The following MAML2 variants were observed in gnomAD, a reference collection of about 807,000 sequenced individuals.
MAML2 encodes the protein mastermind like transcriptional coactivator 2.
In MAML2, 22 loss-of-function variants were observed where a neutral mutation model predicts 96.1. That is an observed-to-expected ratio of 0.23 (90% confidence interval 0.16 to 0.33). MAML2 has a LOEUF of 0.33. MAML2 is among the 10% of genes least tolerant of loss of function. MAML2 has a pLI of 1.00. For synonymous variants in MAML2, 561 were observed against 521.3 expected (o/e 1.08, Z -1.04); for missense variants, 1,367 against 1,392.4 (o/e 0.98, Z 0.29).
chr11:96,185,031 G>C lies in MAML2; in HGVS notation c.514-91514C>G, dbSNP rs116322028. ...AACTTAAGAGTTCCTTCCTCATACT[G>C]TTTAGATTTTATTCATCCAATTGGC... On this transcript the variant is annotated intron_variant, in intron 1 of 4. Transcript: ENST00000524717. Among the ~76,000 whole-genome samples, 564 of 152,290 alleles carry C rather than the reference G, an allele frequency of 3.7e-3. 9 individuals are homozygous for C. Among genetic ancestry groups the C allele is most frequent in the African/African-American group, 0.013 (552 of 41,546 alleles).
At chr11:96,019,058 T>C (rs1171174134) in intron 2 of MAML2, among the ~76,000 whole-genome samples, 1 of 152,072 alleles carries the variant, frequency 6.6e-6, no homozygotes, top group Non-Finnish European at 1.5e-5. Flanking sequence ...TCAAGGAGTA[T>C]GGCTGTAAAG....
intron 1 of MAML2, among the ~76,000 whole-genome samples, chr11:96,229,737 A>G (rs1862264436): frequency 6.6e-6 from 1 of 152,120 alleles, no homozygotes; most frequent in African/African-American, 2.4e-5. Context: ...TGGCAATACC[A>G]TAAATTTGAA....
rs138499885 is a variant in MAML2 at position 96,075,933 on chromosome 11, C to T, written c.2139+15959G>A. On this transcript the variant is annotated intron_variant, in intron 2 of 4. Coordinates refer to ENST00000524717, the MANE Select transcript of MAML2 (RefSeq NM_032427.4). ...TGAGCCAGTTGGCCTTGCTATGTGA[C>T]ATTCTCATGCTTCCCCAAACGTGAA... Among the ~76,000 whole-genome samples the T allele has an allele frequency of 6.6e-5, 10 of 152,336 alleles. No homozygotes were observed. The East Asian group carries it at 1.7e-3, about 26-fold the overall frequency.
chr11:96,076,834 C>T (rs1054596551), intron 2 of MAML2, among the ~76,000 whole-genome samples: 1 of 152,192 alleles, frequency 6.6e-6, no homozygotes, highest in African/African-American at 2.4e-5. Flanking sequence ...TGAATGTTAG[C>T]AGCACTTTAC....
chr11:96,218,101 G>T (rs1862076621), intron 1 of MAML2, among the ~76,000 whole-genome samples: 1 of 152,194 alleles, frequency 6.6e-6, no homozygotes. Flanking sequence ...AAATACATTT[G>T]CTTTCTGCGT....
In MAML2 at chr11:96,092,048, C is replaced by T. The variant is rs774516708; in HGVS notation, c.1983G>A (p.Gln661=). Residue 661 remains glutamine, a synonymous_variant, in exon 2 of 5, where the codon CAG becomes CAA. Transcript: ENST00000524717. The surrounding 1 kb of genome is among the most constrained non-coding windows in gnomAD (Gnocchi z 4.1). ...GCTGAGAAGATGGTTGTTGCTGCTG[C>T]TGCTGCTGCTGTTGTTGCTGTTGTT... ...QQQQQQQQQQ[Q]QQQQPSSQPA... is the part of the protein sequence containing the mutation. The T allele has an allele frequency of 1.2e-5, 19 of 1,553,428 alleles. No individual in the cohort carries two copies. The highest frequency in any genetic ancestry group is 1.7e-4 in the Middle Eastern group (1 of 5,982).
At chr11:96,213,282 A>G (rs534721324) in intron 1 of MAML2, among the ~76,000 whole-genome samples, 2 of 152,300 alleles carry the variant, frequency 1.3e-5, no homozygotes, top group East Asian at 3.9e-4. Flanking sequence ...GGGAATATGG[A>G]TAGGTATTGC....
At chr11:96,078,693 T>G (rs1160600241) in intron 2 of MAML2, among the ~76,000 whole-genome samples, 4 of 152,222 alleles carry the variant, frequency 2.6e-5, no homozygotes, top group Non-Finnish European at 5.9e-5. Context: ...GAGAGCCATG[T>G]CTAGGTGAGA....
chr11:96,134,975 T>C (rs1234420276), intron 1 of MAML2, among the ~76,000 whole-genome samples: 2 of 152,234 alleles, frequency 1.3e-5, no homozygotes, highest in Non-Finnish European at 2.9e-5. Context: ...TGGACACATA[T>C]TGAGCATTTA....
intron 1 of MAML2, among the ~76,000 whole-genome samples, chr11:96,122,523 TGTGTGTGCAC>T (rs1005609331): frequency 3.5e-5 from 5 of 142,746 alleles, no homozygotes; most frequent in East Asian, 2.0e-4. Context: ...TGTGTGTGTG[TGTGTGTGCAC>T]GTGCACGTGC....
At chr11:96,105,065 C>A (rs572910791) in intron 1 of MAML2, among the ~76,000 whole-genome samples, 1 of 152,292 alleles carries the variant, frequency 6.6e-6, no homozygotes, top group South Asian at 2.1e-4. Context: ...TAATCACACT[C>A]AATAAAGTTT....
At chr11:96,205,639 A>C (rs1861885353) in intron 1 of MAML2, among the ~76,000 whole-genome samples, 1 of 152,244 alleles carries the variant, frequency 6.6e-6, no homozygotes, top group Non-Finnish European at 1.5e-5. Flanking sequence ...CACAGGCTGA[A>C]TTGACTTGGC....
intron 1 of MAML2, among the ~76,000 whole-genome samples, chr11:96,275,232 A>G (rs1481441777): frequency 6.6e-6 from 1 of 150,808 alleles, no homozygotes; most frequent in Non-Finnish European, 1.5e-5. Context: ...AACATATCCT[A>G]ACTTTTGCAT....
At chr11:96,160,484 AT>A (rs1391241947) in intron 1 of MAML2, among the ~76,000 whole-genome samples, 13 of 150,562 alleles carry the variant, frequency 8.6e-5, no homozygotes, top group Non-Finnish European at 1.8e-4. Context: ...CTGGAGTGCA[AT>A]GGCATGATCT....
intron 2 of MAML2, among the ~76,000 whole-genome samples, chr11:96,014,336 A>G (rs926294596): frequency 1.3e-5 from 2 of 152,208 alleles, no homozygotes; most frequent in African/African-American, 4.8e-5. Context: ...GGCTCTCCAC[A>G]GGGATCCTTG....
Position 96,091,875 on chromosome 11 carries a change from A to C in MAML2, c.2139+17T>G. The C allele has an allele frequency of 6.2e-7, 1 of 1,605,472 alleles. No homozygotes were observed. The highest frequency in any genetic ancestry group is 8.5e-7 in the Non-Finnish European group (1 of 1,175,732). On this transcript the variant is annotated intron_variant, in intron 2 of 4. Coordinates refer to ENST00000524717, the MANE Select transcript of MAML2 (RefSeq NM_032427.4). ...TGGTCTCTGGGAACTCTGTATTTGG[A>C]GTAGTAGAGCCCTTACCTGTCTCTG...
chr11:96,341,177 C>T (rs185707614), intron 1 of MAML2, among the ~76,000 whole-genome samples: 26 of 152,168 alleles, frequency 1.7e-4, no homozygotes, highest in Admixed American at 1.2e-3. Context: ...ATCCTATAAG[C>T]GAAGGAAAAC....
intron 1 of MAML2, among the ~76,000 whole-genome samples, chr11:96,322,351 A>G (rs182537411): frequency 1.3e-5 from 2 of 152,198 alleles, no homozygotes; most frequent in African/African-American, 2.4e-5. Context: ...CCTGAACTGC[A>G]AAAGAGAATG....
intron 2 of MAML2, among the ~76,000 whole-genome samples, chr11:96,063,260 T>A (rs1037771895): frequency 3.9e-5 from 6 of 152,120 alleles, no homozygotes; most frequent in Admixed American, 2.6e-4. Context: ...CTCAGAGTTA[T>A]GCATCTGCAC....
Sources: allele counts gnomAD v4.1 joint callset (sites outside exome capture counted in the v4.1 genomes callset), GRCh38; gene constraint gnomAD v4.1.1; non-coding constraint Gnocchi (gnomAD v3.1); transcripts MANE v1.5; gene names NCBI Gene and HGNC (gene_info 2026-07-23, HGNC 2026-07-21).